Variants in BTN3A1 observed in about 807,000 individuals in gnomAD.
BTN3A1 encodes the protein dJ45P21.3 (butyrophilin, subfamily 3, member A1).
A neutral mutation model predicts 43.0 loss-of-function variants in BTN3A1; 24 were observed. That is an observed-to-expected ratio of 0.56 (90% confidence interval 0.40 to 0.78). The LOEUF (loss-of-function observed/expected upper bound fraction) is 0.78, where lower values mean the gene tolerates loss of function less well. Ranked by LOEUF, BTN3A1 falls within the 30% of genes least tolerant of loss-of-function variation. BTN3A1 has a pLI of 0.00. For synonymous variants in BTN3A1, 181 were observed against 234.7 expected, an observed-to-expected ratio of 0.77 and a Z score of 2.09; for missense variants, 533 against 626.2, an observed-to-expected ratio of 0.85 and a Z score of 1.59.
chr6:26,413,380 GGT>G lies in BTN3A1; in HGVS notation c.1234_1235del (p.Cys412GlnfsTer2). 6.2e-7 allele frequency: 1 copy of G among 1,614,062 alleles called. No homozygotes were observed. The highest frequency in any genetic ancestry group is 8.5e-7 in the Non-Finnish European group (1 of 1,180,012). ...GGGACAGGAAAGAGTGGCATATAGG[GGT>G]GTGCAGTAAGAATGTGCAGAGAAAA... is the stretch of plus-strand genomic sequence containing the variant. ...VGDRKEWHIGVCSKNVQRKGW... is the reference protein window; with the variant it reads ...VGDRKEWHIGXCSKNVQRKGW... On this transcript the variant is annotated frameshift_variant, in exon 10 of 10. Coordinates refer to ENST00000289361, the MANE Select transcript of BTN3A1 (RefSeq NM_007048.6). LOFTEE classifies it low-confidence loss of function (END_TRUNC).
chr6:26,404,187 C>T (rs1440933412), intron 1 of BTN3A1: 1 of 152,218 alleles, frequency 6.6e-6, no homozygotes, highest in Non-Finnish European at 1.5e-5. Context: ...ATTATGGCTG[C>T]AGGCCTCATG....
intron 7 of BTN3A1, among the ~76,000 whole-genome samples, chr6:26,410,432 A>G (rs1762170525): frequency 6.6e-6 from 1 of 152,140 alleles, no homozygotes; most frequent in South Asian, 2.1e-4. Flanking sequence ...TGCATTCTCT[A>G]TGGCAGGAAC....
chr6:26,404,792 G>A (rs1761956791), intron 1 of BTN3A1, among the ~76,000 whole-genome samples: 1 of 152,232 alleles, frequency 6.6e-6, no homozygotes, highest in African/African-American at 2.4e-5. Flanking sequence ...CACACTTCAT[G>A]ATATTGTATA....
In BTN3A1 at chr6:26,413,845, C is replaced by A. The variant is rs1762307832; in HGVS notation, c.*153C>A. 1.4e-6 allele frequency: 2 copies of A among 1,427,598 alleles called. No homozygotes were observed. The highest frequency in any genetic ancestry group is 2.3e-5 in the East Asian group (1 of 43,412). The allele number at this position is 1,427,598 out of a possible 1,614,324, so 88.4% of individuals were successfully genotyped here. A position where few individuals can be genotyped will look rare whatever the true frequency, so the allele number is the denominator to read the frequency against. On this transcript the variant is annotated 3_prime_UTR_variant, in exon 10 of 10. Coordinates refer to ENST00000289361, the MANE Select transcript of BTN3A1 (RefSeq NM_007048.6). ...GCCCAGCTCAGAGCTGAGGGCCTCC[C>A]CCTCCACAGCAACCAATCACAACCA...
At chr6:26,409,319 C>T (rs976183012) in intron 4 of BTN3A1, among the ~76,000 whole-genome samples, 5 of 152,194 alleles carry the variant, frequency 3.3e-5, no homozygotes, top group African/African-American at 9.7e-5. Context: ...GAGAGGCAGA[C>T]GTCTCAAGAG....
In BTN3A1 at chr6:26,412,805, C is replaced by G; in HGVS notation, c.1019-364C>G. 3.9e-6 allele frequency: 6 copies of G among 1,550,156 alleles called. No individual in the cohort carries two copies. The African/African-American group carries it at 5.5e-5, about 14-fold the overall frequency. On this transcript the variant is annotated intron_variant, in intron 9 of 9. Coordinates refer to ENST00000289361, the MANE Select transcript of BTN3A1 (RefSeq NM_007048.6). ...GGAACTCATTTAGCTCATGAGTGGT[C>G]GAATGAAGGTTGAAAATTAACCTCT...
intron 3 of BTN3A1, among the ~76,000 whole-genome samples, chr6:26,406,821 G>A (rs1461528523): frequency 6.6e-6 from 1 of 152,212 alleles, no homozygotes; most frequent in Non-Finnish European, 1.5e-5. Flanking sequence ...GCTTGTGTTA[G>A]GGGATTTGGG....
At chr6:26,413,005 G>T (rs1762271897) in intron 9 of BTN3A1, 164 bp from the exon 10 acceptor site, 10 of 1,466,186 alleles carry the variant, frequency 6.8e-6, no homozygotes, top group Non-Finnish European at 9.0e-6. Context: ...TGATACCTGG[G>T]GCTTTCTCTC....
intron 2 of BTN3A1, 26 bp from the exon 3 acceptor site, chr6:26,405,883 A>T (rs1261236632): frequency 1.9e-6 from 3 of 1,613,498 alleles, no homozygotes; most frequent in Non-Finnish European, 2.5e-6. Flanking sequence ...AAACCCTCTG[A>T]CAGATCCTCC....
rs1762341156 is a variant in BTN3A1, at chr6:26,415,081, C to G, written c.*1389C>G. ...GTGGATGTTAAACCAATATTCCTTT[C>G]AACTGCTGCCTGCTAGGGAAAAACT... On this transcript the variant is annotated 3_prime_UTR_variant, in exon 10 of 10. Coordinates refer to ENST00000289361, the MANE Select transcript of BTN3A1 (RefSeq NM_007048.6). The G allele has an allele frequency of 6.6e-6, 1 of 152,186 alleles. No homozygotes were observed. Among genetic ancestry groups the G allele is most frequent in the African/African-American group, 2.4e-5 (1 of 41,434 alleles). The allele number at this position is 152,186 out of a possible 1,614,324, so 9.4% of individuals were successfully genotyped here. A position where few individuals can be genotyped will look rare whatever the true frequency, so the allele number is the denominator to read the frequency against.
rs574508128 is a variant in BTN3A1 at position 26,402,995 on chromosome 6, T to C, written c.-193+583T>C. 5.3e-5 allele frequency among the ~76,000 whole-genome samples: 8 copies of C among 152,348 alleles called. No individual in the cohort carries two copies. The South Asian group carries it at 1.0e-3, about 20-fold the overall frequency. ...TAGGAACAGTATGTGTTTTTCCTTT[T>C]ATTCATCATTTCCCCCAAACCTAAC... On this transcript the variant is annotated intron_variant, in intron 1 of 9. Coordinates refer to ENST00000289361, the MANE Select transcript of BTN3A1 (RefSeq NM_007048.6).
chr6:26,413,254 C>T lies in BTN3A1; in HGVS notation c.1104C>T (p.Pro368=). The change falls in exon 10 of 10, where the codon CCC becomes CCT. Residue 368 remains proline (P), a synonymous_variant. Transcript: ENST00000289361. Reference sequence around the variant, plus strand: ...GGAGTGTGCAGCGTGCCAAGGAGCCCCAGGATCTGCCAGACAACCCTGAGA... The same window carrying T: ...GGAGTGTGCAGCGTGCCAAGGAGCCTCAGGATCTGCCAGACAACCCTGAGA... ...DQRSVQRAKE[P]QDLPDNPERF... The T allele has an allele frequency of 6.2e-7, 1 of 1,614,070 alleles. No individual in the cohort carries two copies. Among genetic ancestry groups the T allele is most frequent in the Non-Finnish European group, 8.5e-7 (1 of 1,179,992 alleles).
chr6:26,405,427 C>A lies in BTN3A1; in HGVS notation c.-137C>A. On this transcript the variant is annotated 5_prime_UTR_variant, in exon 2 of 10. Coordinates refer to ENST00000289361, the MANE Select transcript of BTN3A1 (RefSeq NM_007048.6). ...AGACACTGAAGGACAGAATTTTTGG[C>A]AGAGGAAAGATCTTCTTCGGTCACC... is the stretch of plus-strand genomic sequence containing the variant. 1.3e-6 allele frequency: 1 copy of A among 775,308 alleles called. No individual in the cohort carries two copies. The highest frequency in any genetic ancestry group is 2.1e-6 in the Non-Finnish European group (1 of 467,656). 48.0% of individuals were successfully genotyped at this position (775,308 alleles called of 1,614,324 possible).
In BTN3A1 at chr6:26,415,011, T is replaced by G. The variant is rs1021963934; in HGVS notation, c.*1319T>G. ...TACAGGGATATTTTTAATCCCGTTA[T>G]GGACTCTGTCTCCAGGAGAGGGGTC... On this transcript the variant is annotated 3_prime_UTR_variant, in exon 10 of 10. Transcript: ENST00000289361. 6.6e-6 allele frequency: 1 copy of G among 152,210 alleles called. No individual in the cohort carries two copies. The highest frequency in any genetic ancestry group is 1.5e-5 in the Non-Finnish European group (1 of 68,040). 9.4% of individuals were successfully genotyped at this position (152,210 alleles called of 1,614,324 possible). A position where few individuals can be genotyped will look rare whatever the true frequency, so the allele number is the denominator to read the frequency against.
chr6:26,403,712 TG>T (rs1240069187), intron 1 of BTN3A1, among the ~76,000 whole-genome samples: 1 of 152,168 alleles, frequency 6.6e-6, no homozygotes, highest in Non-Finnish European at 1.5e-5. Context: ...TTTGTAGAGA[TG>T]GGGTTTCATT....
rs1006805130 is a variant in BTN3A1, at chr6:26,404,302, G to A, written c.-192-1070G>A. The A allele has an allele frequency of 2.6e-5, 4 of 152,176 alleles. No individual in the cohort carries two copies. In the South Asian group the frequency reaches 6.2e-4, roughly 24 times the overall value. The allele number at this position is 152,176 out of a possible 1,614,324, so 9.4% of individuals were successfully genotyped here. A position where few individuals can be genotyped will look rare whatever the true frequency, so the allele number is the denominator to read the frequency against. The stretch of plus-strand genomic sequence containing the variant: ...TAATAATTATTGTTAAGTAATACAC[G>A]AAAAGTTTTAAATTTAAAGCATTCC... On this transcript the variant is annotated intron_variant, in intron 1 of 9. Coordinates refer to ENST00000289361, the MANE Select transcript of BTN3A1 (RefSeq NM_007048.6).
intron 9 of BTN3A1, chr6:26,412,835 A>G (rs1762265590): frequency 3.2e-6 from 5 of 1,545,476 alleles, no homozygotes; most frequent in Non-Finnish European, 4.4e-6. Flanking sequence ...ACCTCTGAGT[A>G]TAAAGCATTA....
At position 26,406,951 on chromosome 6, in the gene BTN3A1, T is replaced by C. The variant is rs190022832; in HGVS notation, c.433+695T>C. Among the ~76,000 whole-genome samples, 155 of 152,282 alleles carry C rather than the reference T, an allele frequency of 1.0e-3. 1 individual carries two copies. The highest frequency in any genetic ancestry group is 1.7e-3 in the Non-Finnish European group (117 of 68,016). ...TTATCTAGGAAGAAAGAGACCAGGG[T>C]GAGACTAAAGCTGTAATTGATGAAG... On this transcript the variant is annotated intron_variant, in intron 3 of 9. Transcript: ENST00000289361.
At position 26,407,894 on chromosome 6, in the gene BTN3A1, C is replaced by A. The variant is rs1239155038; in HGVS notation, c.657C>A (p.Ser219=). 2.5e-6 allele frequency: 4 copies of A among 1,614,104 alleles called. No individual in the cohort carries two copies. In the Admixed American group the frequency reaches 6.7e-5, roughly 27 times the overall value. ...GAGGCAGCTCTGGGGAGGGTGTATC[C>A]TGTACCATCAGAAGTTCCCTCCTCG... ...IMRGSSGEGV[S]CTIRSSLLGL... is the part of the protein sequence containing the mutation. The change falls in exon 4 of 10, where the codon TCC becomes TCA. Residue 219 remains serine (S), a synonymous_variant. Coordinates refer to ENST00000289361, the MANE Select transcript of BTN3A1 (RefSeq NM_007048.6).
Sources: gnomAD v4.1 joint callset for allele counts (sites outside exome capture counted in the v4.1 genomes callset) on GRCh38, gnomAD v4.1.1 for gene constraint, MANE v1.5 for transcripts, NCBI Gene and HGNC (gene_info 2026-07-23, HGNC 2026-07-21) for gene names.